The following IDUA variants were observed in gnomAD, a reference collection of about 807,000 sequenced individuals.
IDUA encodes the protein alpha-L-iduronidase.
In IDUA, 65 loss-of-function variants were observed where a neutral mutation model predicts 68.9. The ratio of observed to expected loss-of-function variants is 0.94; its 90% CI spans 0.77 to 1.16. The LOEUF is 1.16. IDUA is among the 50% of genes most tolerant of loss of function. The probability of loss-of-function intolerance (pLI) is 0.00; values close to 1 mark genes in which losing one functional copy is unlikely to be tolerated. For missense variants in IDUA, 1,046 were observed against 938.0 expected, an observed-to-expected ratio of 1.12 and a Z score of -1.50; for synonymous variants, 529 against 433.6, an observed-to-expected ratio of 1.22 and a Z score of -2.73.
chr4:991,430 A>G (rs747597531), intron 2 of IDUA: 2 of 1,612,662 alleles, frequency 1.2e-6, no homozygotes, highest in Admixed American at 1.7e-5. Context: ...CCGGCCAGCA[A>G]TGAGTAGGCG....
At chr4:995,146 G>A (rs553890055) in intron 2 of IDUA, among the ~76,000 whole-genome samples, 5 of 151,752 alleles carry the variant, frequency 3.3e-5, no homozygotes, top group Middle Eastern at 3.4e-3. Context: ...CCGGGTTCAA[G>A]CGATTCTCCT....
At chr4:988,009 G>T in intron 2 of IDUA, 60 bp downstream of exon 2, 1 of 1,517,632 alleles carries the variant, frequency 6.6e-7, no homozygotes, top group South Asian at 1.2e-5. Flanking sequence ...AGATGGGAGG[G>T]GAGGGCTGGG....
intron 2 of IDUA, chr4:992,746 G>A (rs998687212): frequency 1.3e-5 from 2 of 154,890 alleles, no homozygotes; most frequent in South Asian, 2.0e-4. Flanking sequence ...GGAAAACACC[G>A]TGGCGTTAGG....
chr4:987,704 C>T (rs547126637), intron 1 of IDUA, 105 bp from the exon 2 acceptor site: 21 of 1,557,830 alleles, frequency 1.3e-5, no homozygotes, highest in East Asian at 4.7e-5. Context: ...GCACGGGCAG[C>T]GCCTGGATCC....
In IDUA at chr4:989,593, C is replaced by T. The variant is rs1212069906; in HGVS notation, c.299+1644C>T. On this transcript the variant is annotated intron_variant, in intron 2 of 13. Coordinates refer to ENST00000514224, the MANE Select transcript of IDUA (RefSeq NM_000203.5). ...CACCTTGCGCAGGGCCCCCCGCAGG[C>T]TGACCACGATGACGCAGGCCAGCAC... 1.9e-6 allele frequency: 3 copies of T among 1,600,776 alleles called. No homozygotes were observed. The highest frequency in any genetic ancestry group is 1.3e-5 in the African/African-American group (1 of 74,826).
intron 2 of IDUA, chr4:989,195 C>T: frequency 1.2e-6 from 2 of 1,607,514 alleles, no homozygotes; most frequent in Non-Finnish European, 1.7e-6. Flanking sequence ...CCCTCACCGA[C>T]CCCCGTCTCT....
chr4:997,083 C>T (rs567317496), intron 2 of IDUA, among the ~76,000 whole-genome samples: 2 of 152,292 alleles, frequency 1.3e-5, no homozygotes, highest in South Asian at 2.1e-4. Flanking sequence ...GAAAGGAGAC[C>T]TTGCATCCTT....
At chr4:994,173 T>C (rs933980897) in intron 2 of IDUA, among the ~76,000 whole-genome samples, 2 of 152,186 alleles carry the variant, frequency 1.3e-5, no homozygotes, top group African/African-American at 4.8e-5. Flanking sequence ...GGCACGATGG[T>C]TCACTCCTGT....
Position 991,622 on chromosome 4 carries a change from G to A in IDUA, c.299+3673G>A, listed in dbSNP as rs566030346. The A allele has an allele frequency of 8.1e-5, 129 of 1,585,064 alleles. No homozygotes were observed. The highest frequency in any genetic ancestry group is 3.6e-4 in the East Asian group (16 of 44,728). Reference sequence around the variant, plus strand: ...CACAGCCTGGCCTTCAGCATCTCACGCAGACCCCGGGGTGCTGGGCGCTGC... The same window carrying A: ...CACAGCCTGGCCTTCAGCATCTCACACAGACCCCGGGGTGCTGGGCGCTGC... On this transcript the variant is annotated intron_variant, in intron 2 of 13. Coordinates refer to ENST00000514224, the MANE Select transcript of IDUA (RefSeq NM_000203.5).
intron 2 of IDUA, among the ~76,000 whole-genome samples, chr4:995,333 G>A (rs571971539): frequency 1.7e-4 from 26 of 151,624 alleles, no homozygotes; most frequent in East Asian, 3.9e-4. Flanking sequence ...GTGAGCCACC[G>A]TGCCCGGCCA....
chr4:1,001,303 G>A, intron 4 of IDUA, 165 bp from the exon 5 acceptor site: 2 of 718,936 alleles, frequency 2.8e-6, no homozygotes, highest in Non-Finnish European at 2.5e-6. Flanking sequence ...CCAGGTCTTG[G>A]ACCCCCTTGA....
At chr4:988,813 G>C in intron 2 of IDUA, 1 of 1,544,512 alleles carries the variant, frequency 6.5e-7, no homozygotes, top group Non-Finnish European at 8.7e-7. Context: ...AGCAGAGGCT[G>C]CTGGGCAGGC....
Position 1,004,112 on chromosome 4 carries a change from G to C in IDUA, c.1828G>C (p.Asp610His), listed in dbSNP as rs1229551113. 1.2e-6 allele frequency: 2 copies of C among 1,612,958 alleles called. No homozygotes were observed. The highest frequency in any genetic ancestry group is 1.3e-5 in the African/African-American group (1 of 74,878). Reference sequence around the variant, plus strand: ...CTTCAACCTCTTTGTGTTCAGCCCAGGTGCGCCCACCACCCGCTGCCCTGG... The same window carrying C: ...CTTCAACCTCTTTGTGTTCAGCCCACGTGCGCCCACCACCCGCTGCCCTGG... ...STFNLFVFSP[D>H]TGAVSGSYRV... The change falls in exon 13 of 14, where the codon GAC becomes CAC. Residue 610 changes from aspartate to histidine, a missense_variant and splice_region_variant. By Grantham distance (81) the Asp-to-His change is moderately conservative. Transcript: ENST00000514224. The surrounding 1 kb of genome is among the most constrained non-coding windows in gnomAD (Gnocchi z 5.0).
intron 2 of IDUA, chr4:990,793 C>T: frequency 2.5e-6 from 1 of 398,434 alleles, no homozygotes; most frequent in Non-Finnish European, 4.5e-6. Context: ...GGAGGCCATC[C>T]CCCACTCCAC....
rs1715153304 is a variant in IDUA at position 1,002,461 on chromosome 4, G to A, written c.1165G>A (p.Ala389Thr). ...GCTGTTGCGCAAGCCGGTGCTCACG[G>A]CCATGGGGCTGCTGGCGCTGCTGGG... ...VQLLRKPVLT[A>T]MGLLALLDEE... Residue 389 changes from alanine (A) to threonine (T), a missense_variant, in exon 8 of 14, where the codon GCC becomes ACC. Physicochemically the swap from Ala to Thr is moderately conservative, Grantham distance 58 (BLOSUM62 0). Transcript: ENST00000514224. 24 of 1,550,440 alleles carry A rather than the reference G, an allele frequency of 1.5e-5. No homozygotes were observed. The highest frequency in any genetic ancestry group is 2.1e-5 in the Non-Finnish European group (24 of 1,147,730).
rs777539521 is a variant in IDUA at position 1,004,416 on chromosome 4, T to G, written c.*23T>G. ...TGAGCCTGTGCTGAGCCCCAGTGGGTTGCACCTCCACCGGCAGTCAGCGAG... is the reference window on the plus strand; with the variant it reads ...TGAGCCTGTGCTGAGCCCCAGTGGGGTGCACCTCCACCGGCAGTCAGCGAG... On this transcript the variant is annotated 3_prime_UTR_variant, in exon 14 of 14. Coordinates refer to ENST00000514224, the MANE Select transcript of IDUA (RefSeq NM_000203.5). This position sits in a 1 kb window ranked among gnomAD's most constrained non-coding sequence, Gnocchi z 5.0. 1.2e-6 allele frequency: 2 copies of G among 1,608,470 alleles called. No individual in the cohort carries two copies. Among genetic ancestry groups the G allele is most frequent in the South Asian group, 2.2e-5 (2 of 91,004 alleles).
rs1713770316 is a variant in IDUA at position 987,053 on chromosome 4, C to G, written c.-32C>G. On this transcript the variant is annotated 5_prime_UTR_variant, in exon 1 of 14. Coordinates refer to ENST00000514224, the MANE Select transcript of IDUA (RefSeq NM_000203.5). ...CGGAGGCGGAACCGGCAGTGCAGCC[C>G]GAAGCCCCGCAGTCCCCGAGCACGC... 2.0e-6 allele frequency: 3 copies of G among 1,517,006 alleles called. No individual in the cohort carries two copies. The highest frequency in any genetic ancestry group is 2.6e-6 in the Non-Finnish European group (3 of 1,141,062). 94.0% of individuals were successfully genotyped at this position (1,517,006 alleles called of 1,614,324 possible).
chr4:997,503 G>A (rs1376610871), intron 2 of IDUA, among the ~76,000 whole-genome samples: 1 of 150,764 alleles, frequency 6.6e-6, no homozygotes, highest in Non-Finnish European at 1.5e-5. Flanking sequence ...GGGCGGGGAC[G>A]TGGGGACCCG....
At chr4:990,928 T>G (rs1474603500) in intron 2 of IDUA, 6 of 568,562 alleles carry the variant, frequency 1.1e-5, no homozygotes, top group Non-Finnish European at 1.8e-5. Flanking sequence ...GCCCCTCCCC[T>G]CCTGCATCCA....
Sources: allele counts gnomAD v4.1 joint callset (sites outside exome capture counted in the v4.1 genomes callset), GRCh38; gene constraint gnomAD v4.1.1; non-coding constraint Gnocchi (gnomAD v3.1); transcripts MANE v1.5; gene names NCBI Gene and HGNC (gene_info 2026-07-23, HGNC 2026-07-21).